The following MTBP variants were observed in gnomAD, a reference collection of about 807,000 sequenced individuals.
MTBP encodes MDM2 binding protein.
In MTBP, 101 loss-of-function variants were observed where a neutral mutation model predicts 117.0. The observed-to-expected ratio is 0.86, with a 90% CI of 0.73 to 1.02. The LOEUF is 1.02. MTBP is among the 50% of genes least tolerant of loss of function. MTBP has a pLI of 0.00. For synonymous variants in MTBP, 350 were observed against 351.5 expected (o/e 1.00, Z 0.05); for missense variants, 970 against 1,030.9 (o/e 0.94, Z 0.81).
At chr8:120,459,395 G>T (rs776356396) in intron 8 of MTBP, 46 bp downstream of exon 8, 2 of 1,550,332 alleles carry the variant, frequency 1.3e-6, no homozygotes, top group Non-Finnish European at 1.7e-6. Context: ...GTGTATTTTT[G>T]TTCCTATAAA....
At chr8:120,507,598 G>A (rs1028554713) in intron 16 of MTBP, among the ~76,000 whole-genome samples, 5 of 110,610 alleles carry the variant, frequency 4.5e-5, no homozygotes, top group Admixed American at 2.0e-4. Context: ...AAGCTTAATC[G>A]GAATTATACT....
At chr8:120,474,579 A>T (rs1472106410) in intron 11 of MTBP, among the ~76,000 whole-genome samples, 1 of 152,050 alleles carries the variant, frequency 6.6e-6, no homozygotes, top group Non-Finnish European at 1.5e-5. Context: ...TTGTTGCCAC[A>T]TATATTCCAG....
At chr8:120,466,804 G>A (rs1308264738) in intron 10 of MTBP, among the ~76,000 whole-genome samples, 1 of 152,126 alleles carries the variant, frequency 6.6e-6, no homozygotes, top group Non-Finnish European at 1.5e-5. Flanking sequence ...TACCCAGGAG[G>A]TGGAGGTTGC....
chr8:120,481,093 C>G (rs1439895927), intron 11 of MTBP, among the ~76,000 whole-genome samples: 1 of 152,184 alleles, frequency 6.6e-6, no homozygotes, highest in East Asian at 1.9e-4. Context: ...TGCCCAACAT[C>G]ATTAGTCTCT....
intron 8 of MTBP, 114 bp downstream of exon 8, chr8:120,459,463 C>A: frequency 9.9e-7 from 1 of 1,005,974 alleles, no homozygotes; most frequent in Non-Finnish European, 1.4e-6. Context: ...TGCTCACTAG[C>A]ATAATTTTTA....
chr8:120,490,485 A>G lies in MTBP; in HGVS notation c.1362A>G (p.Ser454=). Reference sequence around the variant, plus strand: ...CAGGTTTTCCTTTTGACTTATTATCACTTCCACATTTTTCTGGGGAGCAGA... The same window carrying G: ...CAGGTTTTCCTTTTGACTTATTATCGCTTCCACATTTTTCTGGGGAGCAGA... The part of the protein sequence containing the change: ...AKLSFPFDLL[S]LPHFSGEQIV... The change falls in exon 13 of 22, where the codon TCA becomes TCG. Residue 454 remains serine (S), a synonymous_variant. Transcript: ENST00000305949. 1 of 1,602,960 alleles carries G rather than the reference A, an allele frequency of 6.2e-7. No homozygotes were observed. The highest frequency in any genetic ancestry group is 1.1e-5 in the South Asian group (1 of 87,972).
chr8:120,462,692 A>G (rs1813605619), intron 9 of MTBP, among the ~76,000 whole-genome samples: 1 of 152,066 alleles, frequency 6.6e-6, no homozygotes, highest in African/African-American at 2.4e-5. Context: ...TGATGTTTTT[A>G]TCTTATATTA....
At chr8:120,506,142 C>T (rs920625384) in intron 15 of MTBP, among the ~76,000 whole-genome samples, 8 of 151,928 alleles carry the variant, frequency 5.3e-5, no homozygotes, top group Admixed American at 6.6e-5. Flanking sequence ...ATATAAAGTC[C>T]TGCATGTATT....
At chr8:120,495,733 T>C (rs1366899721) in intron 13 of MTBP, among the ~76,000 whole-genome samples, 4 of 152,144 alleles carry the variant, frequency 2.6e-5, no homozygotes, top group Admixed American at 2.6e-4. Context: ...GTGTGCTTAA[T>C]TTTAGAGTCA....
At chr8:120,472,304 T>C (rs1813832681) in intron 11 of MTBP, 1 of 152,196 alleles carries the variant, frequency 6.6e-6, no homozygotes, top group South Asian at 2.1e-4. Context: ...ATGTGGAAAT[T>C]TAAATGTAGA....
intron 2 of MTBP, among the ~76,000 whole-genome samples, chr8:120,448,899 T>C (rs891261925): frequency 2.6e-5 from 4 of 152,136 alleles, no homozygotes; most frequent in Admixed American, 1.3e-4. Flanking sequence ...ATAATTGGGA[T>C]AAGGGTGGAG....
chr8:120,499,497 C>T (rs1814536209), intron 14 of MTBP, among the ~76,000 whole-genome samples: 1 of 152,090 alleles, frequency 6.6e-6, no homozygotes, highest in Non-Finnish European at 1.5e-5. Context: ...ACAGGCTATG[C>T]ATTTGAACAT....
At chr8:120,463,853 T>C (rs769547148) in intron 10 of MTBP, 92 bp downstream of exon 10, 25 of 1,198,778 alleles carry the variant, frequency 2.1e-5, no homozygotes, top group African/African-American at 3.0e-5. Flanking sequence ...CTTATTAATC[T>C]GTTTGCTTGA....
chr8:120,494,742 A>G (rs1032899050), intron 13 of MTBP, among the ~76,000 whole-genome samples: 1 of 152,200 alleles, frequency 6.6e-6, no homozygotes, highest in Non-Finnish European at 1.5e-5. Flanking sequence ...CTGTTGAGCC[A>G]TGTAATAAAT....
At position 120,506,850 on chromosome 8, in the gene MTBP, G is replaced by T. The variant is rs953859601; in HGVS notation, c.1872G>T (p.Pro624=). ...GLPIGDLQPL[P]IQKGEKTFVL... is the part of the protein sequence containing the mutation. ...CCATTGGAGATCTTCAACCTTTACCGATTCAAAAGGGGTAGGTTATAAACT... is the reference window on the plus strand; with the variant it reads ...CCATTGGAGATCTTCAACCTTTACCTATTCAAAAGGGGTAGGTTATAAACT... Residue 624 remains proline (P), a synonymous_variant, in exon 16 of 22, where the codon CCG becomes CCT. Transcript: ENST00000305949. The T allele has an allele frequency of 1.9e-6, 3 of 1,602,770 alleles. No homozygotes were observed. The highest frequency in any genetic ancestry group is 1.3e-5 in the African/African-American group (1 of 74,338).
At chr8:120,470,989 G>GT in intron 11 of MTBP, 52 bp downstream of exon 11, 1 of 1,222,244 alleles carries the variant, frequency 8.2e-7, no homozygotes, top group Non-Finnish European at 1.2e-6. Flanking sequence ...GTTAATGTAT[G>GT]TATCAAATTT....
chr8:120,480,858 G>A (rs922958027), intron 11 of MTBP, among the ~76,000 whole-genome samples: 19 of 151,928 alleles, frequency 1.3e-4, no homozygotes, highest in African/African-American at 4.4e-4. Flanking sequence ...AATTCACCAA[G>A]GTTCAAAATG....
chr8:120,517,488 C>G (rs574725595), intron 18 of MTBP, among the ~76,000 whole-genome samples: 1 of 151,980 alleles, frequency 6.6e-6, no homozygotes, highest in Admixed American at 6.6e-5. Context: ...TCATTACCTT[C>G]TATGTGTTAG....
intron 11 of MTBP, among the ~76,000 whole-genome samples, chr8:120,475,909 G>A (rs1813925720): frequency 6.6e-6 from 1 of 151,938 alleles, no homozygotes. Flanking sequence ...ATAAAAAATT[G>A]TATCTCCCAT....
Sources: allele counts gnomAD v4.1 joint callset (sites outside exome capture counted in the v4.1 genomes callset), GRCh38; gene constraint gnomAD v4.1.1; transcripts MANE v1.5; gene names NCBI Gene and HGNC (gene_info 2026-07-23, HGNC 2026-07-21).